The following GIGYF2 variants were observed in gnomAD, a reference collection of about 807,000 sequenced individuals.
The protein encoded by GIGYF2 is GRB10 interacting GYF protein 2, also known as GRB10-interacting GYF protein 2.
GIGYF2 carries 25 observed loss-of-function variants against 208.1 expected under a neutral mutation model. That is an observed-to-expected ratio of 0.12 (90% CI 0.09 to 0.17). The LOEUF (loss-of-function observed/expected upper bound fraction) is 0.17, where lower values mean the gene tolerates loss of function less well. Among genes scored for constraint, GIGYF2 ranks in the 10% least tolerant of loss-of-function variants. GIGYF2 has a pLI of 1.00. For missense variants in GIGYF2, 1,302 were observed against 1,579.4 expected, an observed-to-expected ratio of 0.82 and a Z score of 2.98; for synonymous variants, 534 against 543.8, an observed-to-expected ratio of 0.98 and a Z score of 0.25.
intron 8 of GIGYF2, among the ~76,000 whole-genome samples, chr2:232,777,955 A>AT (rs1048216614): frequency 6.6e-6 from 1 of 151,704 alleles, no homozygotes; most frequent in African/African-American, 2.4e-5. Context: ...TTTTATTTTC[A>AT]TTTTTTTTAG....
chr2:232,748,307 G>A (rs1443161292), intron 4 of GIGYF2, among the ~76,000 whole-genome samples: 1 of 151,928 alleles, frequency 6.6e-6, no homozygotes, highest in Non-Finnish European at 1.5e-5. Flanking sequence ...TTTTGAGACA[G>A]AGTCTGGCTC....
At chr2:232,760,971 C>T (rs1164859541) in intron 7 of GIGYF2, among the ~76,000 whole-genome samples, 1 of 151,812 alleles carries the variant, frequency 6.6e-6, no homozygotes, top group Admixed American at 6.6e-5. Context: ...CAAGAATGTT[C>T]ACTATGATGA....
intron 2 of GIGYF2, among the ~76,000 whole-genome samples, chr2:232,728,956 CT>C (rs1697331128): frequency 6.6e-6 from 1 of 151,810 alleles, no homozygotes; most frequent in South Asian, 2.1e-4. Flanking sequence ...TTCCTTTTCT[CT>C]TTCCTTTTCC....
At chr2:232,817,117 C>G (rs1700939868) in intron 20 of GIGYF2, 85 bp downstream of exon 20, 2 of 1,016,038 alleles carry the variant, frequency 2.0e-6, no homozygotes, top group East Asian at 4.7e-5. Flanking sequence ...ACAGATACTC[C>G]TGAAGTCCAC....
chr2:232,725,990 G>C (rs1697183202), intron 2 of GIGYF2, among the ~76,000 whole-genome samples: 1 of 152,206 alleles, frequency 6.6e-6, no homozygotes, highest in African/African-American at 2.4e-5. Flanking sequence ...TCAGGACATG[G>C]ATCCTTTGGC....
intron 14 of GIGYF2, among the ~76,000 whole-genome samples, chr2:232,802,238 CTT>C (rs775424488): frequency 1.4e-5 from 2 of 144,964 alleles, no homozygotes; most frequent in African/African-American, 2.5e-5. Context: ...AATTTGGATG[CTT>C]TTTTTTTTTC....
intron 8 of GIGYF2, among the ~76,000 whole-genome samples, chr2:232,784,871 AGGGTGG>A (rs1699861789): frequency 6.6e-6 from 1 of 151,922 alleles, no homozygotes; most frequent in Non-Finnish European, 1.5e-5. Flanking sequence ...TTGGGTCATG[AGGGTGG>A]ATCCCTCATC....
chr2:232,820,072 C>CTAA (rs1439164100), intron 21 of GIGYF2, 87 bp downstream of exon 21: 1 of 1,500,502 alleles, frequency 6.7e-7, no homozygotes, highest in African/African-American at 1.4e-5. Context: ...GGTAGCCTAT[C>CTAA]TAAAATTTTT....
chr2:232,761,333 G>A, intron 7 of GIGYF2, 63 bp from the exon 8 acceptor site: 2 of 1,014,152 alleles, frequency 2.0e-6, no homozygotes, highest in Non-Finnish European at 1.6e-6. Context: ...GAAAGTGAGT[G>A]TCACAGATAG....
intron 8 of GIGYF2, chr2:232,768,789 C>G (rs757304681): frequency 6.2e-7 from 1 of 1,600,898 alleles, no homozygotes; most frequent in Admixed American, 1.7e-5. Flanking sequence ...ATTTTTTGGC[C>G]GGGCAATCTT....
chr2:232,699,175 A>G (rs569981546), intron 1 of GIGYF2, among the ~76,000 whole-genome samples: 1 of 152,326 alleles, frequency 6.6e-6, no homozygotes, highest in African/African-American at 2.4e-5. Flanking sequence ...GGAAAAACCC[A>G]ACAGAGGTGA....
rs200252507 is a variant in GIGYF2 at position 232,756,196 on chromosome 2, T to A, written c.268-27T>A. On this transcript the variant is annotated intron_variant, in intron 5 of 28. Transcript: ENST00000373563. Reference sequence around the variant, plus strand: ...TTTTTCTTTCTTTTTTTCCTTTTTCTCTTTTTTTTTTTTTTTTTTTTGGCA... The same window carrying A: ...TTTTTCTTTCTTTTTTTCCTTTTTCACTTTTTTTTTTTTTTTTTTTTGGCA... 4.3e-4 allele frequency: 510 copies of A among 1,180,608 alleles called. 1 individual carries two copies. In the African/African-American group the frequency reaches 7.5e-3, roughly 17 times the overall value. 73.1% of individuals were successfully genotyped at this position (1,180,608 alleles called of 1,614,324 possible). A position where few individuals can be genotyped will look rare whatever the true frequency, so the allele number is the denominator to read the frequency against.
Position 232,844,567 on chromosome 2 carries a change from A to C in GIGYF2, c.3298A>C (p.Ser1100Arg). 6.2e-7 allele frequency: 1 copy of C among 1,609,534 alleles called. No homozygotes were observed. Among genetic ancestry groups the C allele is most frequent in the Non-Finnish European group, 8.5e-7 (1 of 1,176,618 alleles). Residue 1100 changes from serine (S) to arginine (R), a missense_variant, in exon 25 of 29, where the codon AGT becomes CGT. Physicochemically the swap from Ser to Arg is moderately radical, Grantham distance 110 (BLOSUM62 -1). Coordinates refer to ENST00000373563, the MANE Select transcript of GIGYF2 (RefSeq NM_001103146.3). ...NSTNKNKNNA[S>R]LSKSVGVSNR... ...AACAAATAAAAATAAAAACAACGCC[A>C]GTCTCAGGTAGGGCTCAAAATGACC...
intron 9 of GIGYF2, among the ~76,000 whole-genome samples, chr2:232,788,761 T>C (rs573995759): frequency 2.0e-5 from 3 of 152,298 alleles, no homozygotes; most frequent in East Asian, 1.9e-4. Flanking sequence ...TTGACTTTCA[T>C]ATCATTTTTG....
At chr2:232,752,411 ACTCATT>A (rs1327171404) in intron 5 of GIGYF2, among the ~76,000 whole-genome samples, 2 of 152,268 alleles carry the variant, frequency 1.3e-5, no homozygotes, top group South Asian at 2.1e-4. Flanking sequence ...ATACTGACAT[ACTCATT>A]CTCCTTCTCC....
intron 9 of GIGYF2, among the ~76,000 whole-genome samples, chr2:232,787,634 T>C (rs906712122): frequency 2.0e-5 from 3 of 152,210 alleles, no homozygotes; most frequent in Admixed American, 6.5e-5. Context: ...TCTCTGAATC[T>C]TTTTTAGCAT....
intron 8 of GIGYF2, among the ~76,000 whole-genome samples, chr2:232,777,008 T>C (rs113509498): frequency 4.2e-4 from 64 of 152,274 alleles, no homozygotes; most frequent in African/African-American, 1.4e-3. Context: ...TGCATTGATT[T>C]TCTTAGTTTT....
At position 232,756,215 on chromosome 2, in the gene GIGYF2, T is replaced by C; in HGVS notation, c.268-8T>C. 1 of 1,348,578 alleles carries C rather than the reference T, an allele frequency of 7.4e-7. No individual in the cohort carries two copies. Among genetic ancestry groups the C allele is most frequent in the Non-Finnish European group, 1.0e-6 (1 of 969,834 alleles). 83.5% of individuals were successfully genotyped at this position (1,348,578 alleles called of 1,614,324 possible). On this transcript the variant is annotated splice_region_variant and splice_polypyrimidine_tract_variant and intron_variant, in intron 5 of 28. Coordinates refer to ENST00000373563, the MANE Select transcript of GIGYF2 (RefSeq NM_001103146.3). ...TTTTTCTCTTTTTTTTTTTTTTTTTTTTGGCAGAGAAACTTTTCCATGTCT... is the reference window on the plus strand; with the variant it reads ...TTTTTCTCTTTTTTTTTTTTTTTTTCTTGGCAGAGAAACTTTTCCATGTCT...
rs1261402642 is a variant in GIGYF2, at chr2:232,806,471, T to C, written c.1640-20T>C. On this transcript the variant is annotated intron_variant, in intron 14 of 28. Coordinates refer to ENST00000373563, the MANE Select transcript of GIGYF2 (RefSeq NM_001103146.3). This position sits in a 1 kb window ranked among gnomAD's most constrained non-coding sequence, Gnocchi z 4.0. ...TGAAAGGTTTCTTATTGTCTTTCTG[T>C]TTAATTGGTGCTGTTATAGGTCCCT... 1.9e-6 allele frequency: 3 copies of C among 1,554,186 alleles called. No individual in the cohort carries two copies. The highest frequency in any genetic ancestry group is 2.7e-5 in the African/African-American group (2 of 73,706).
Sources: gnomAD v4.1 joint callset for allele counts (sites outside exome capture counted in the v4.1 genomes callset) on GRCh38, gnomAD v4.1.1 for gene constraint, Gnocchi (gnomAD v3.1) non-coding constraint, MANE v1.5 for transcripts, NCBI Gene and HGNC (gene_info 2026-07-23, HGNC 2026-07-21) for gene names.